The following MYO1H variants were observed in gnomAD, a reference collection of about 807,000 sequenced individuals.
MYO1H encodes the protein unconventional myosin-Ih.
A neutral mutation model predicts 149.3 loss-of-function variants in MYO1H; 118 were observed. The ratio of observed to expected loss-of-function variants is 0.79; its 90% CI spans 0.68 to 0.92. MYO1H has a LOEUF of 0.92. Ranked by LOEUF, MYO1H falls within the 40% of genes least tolerant of loss-of-function variation. The pLI is 0.00. For missense variants in MYO1H, 1,212 were observed against 1,280.7 expected (o/e 0.95, Z 0.82); for synonymous variants, 447 against 465.2 (o/e 0.96, Z 0.50).
At chr12:109,362,457 AT>A (rs1195258083) in intron 1 of MYO1H, among the ~76,000 whole-genome samples, 3 of 152,220 alleles carry the variant, frequency 2.0e-5, no homozygotes, top group Admixed American at 2.0e-4. Context: ...TGAGAAACCA[AT>A]TACAAAAGAC....
intron 18 of MYO1H, among the ~76,000 whole-genome samples, chr12:109,426,351 G>A (rs1756272027): frequency 6.6e-6 from 1 of 152,076 alleles, no homozygotes. Flanking sequence ...AGGCATGGTG[G>A]CGTGTCTCTA....
intron 30 of MYO1H, 170 bp from the exon 31 acceptor site, chr12:109,445,343 C>T (rs775000275): frequency 7.3e-5 from 42 of 576,624 alleles, no homozygotes; most frequent in Non-Finnish European, 1.1e-4. Context: ...AGTTGCCCAG[C>T]TGTGGCAACA....
At chr12:109,410,607 G>A (rs1352389301) in intron 12 of MYO1H, 81 bp from the exon 13 acceptor site, 3 of 842,226 alleles carry the variant, frequency 3.6e-6, no homozygotes, top group Non-Finnish European at 5.8e-6. Context: ...GAAAAAAGAT[G>A]TTTTAGAAAA....
At chr12:109,439,345 C>T (rs1294796859) in intron 23 of MYO1H, among the ~76,000 whole-genome samples, 1 of 152,196 alleles carries the variant, frequency 6.6e-6, no homozygotes, top group Admixed American at 6.5e-5. Flanking sequence ...TGCCAAAATG[C>T]TGGGATTACA....
intron 27 of MYO1H, among the ~76,000 whole-genome samples, chr12:109,443,033 T>G: frequency 9.5e-6 from 1 of 104,844 alleles, no homozygotes; most frequent in African/African-American, 4.2e-5. Flanking sequence ...TATATATGTG[T>G]GTGTGTGTGT....
At chr12:109,318,980 T>TG in the MYO1H span, among the ~76,000 whole-genome samples, 5,999 of 136,086 alleles carry the variant, frequency 0.044, 402 homozygotes, top group African/African-American at 0.097. Context: ...TTGTTTTTTT[T>TG]TTTTTTTTTT....
chr12:109,335,424 A>G, the MYO1H span, among the ~76,000 whole-genome samples: 5 of 152,116 alleles, frequency 3.3e-5, no homozygotes, highest in African/African-American at 1.2e-4. Context: ...CCATGATTCA[A>G]CCATCTCCCA....
the MYO1H span, among the ~76,000 whole-genome samples, chr12:109,334,951 CA>C: frequency 6.6e-6 from 1 of 152,186 alleles, no homozygotes; most frequent in African/African-American, 2.4e-5. Context: ...CTTTTCCCCT[CA>C]GTCCCTGGCA....
At chr12:109,354,429 CTT>C (rs1333462021) in intron 1 of MYO1H, 1 of 140,776 alleles carries the variant, frequency 7.1e-6, no homozygotes, top group East Asian at 2.0e-4. Flanking sequence ...AGTCGAATCT[CTT>C]GTCTCTACAA....
At chr12:109,393,302 C>T (rs757905346) in intron 2 of MYO1H, 29 bp from the exon 3 acceptor site, 4 of 1,417,218 alleles carry the variant, frequency 2.8e-6, no homozygotes, top group East Asian at 4.9e-5. Context: ...CCCAGAATTC[C>T]TCACTTGTGC....
At chr12:109,332,769 A>T in the MYO1H span, among the ~76,000 whole-genome samples, 1 of 152,014 alleles carries the variant, frequency 6.6e-6, no homozygotes, top group African/African-American at 2.4e-5. Context: ...TATTGTAGAG[A>T]TGGGGGTCTC....
intron 1 of MYO1H, among the ~76,000 whole-genome samples, chr12:109,374,925 G>T (rs1010985405): frequency 6.6e-6 from 1 of 151,602 alleles, no homozygotes; most frequent in Non-Finnish European, 1.5e-5. Flanking sequence ...CATGATCTCG[G>T]CTCACTGCAA....
At chr12:109,369,646 C>T (rs942147586) in intron 1 of MYO1H, among the ~76,000 whole-genome samples, 7 of 152,160 alleles carry the variant, frequency 4.6e-5, no homozygotes, top group African/African-American at 1.4e-4. Context: ...AAGAAGTTAC[C>T]AGGTTGTAAG....
the MYO1H span, among the ~76,000 whole-genome samples, chr12:109,329,812 T>C: frequency 6.6e-6 from 1 of 152,320 alleles, no homozygotes; most frequent in South Asian, 2.1e-4. Context: ...TGCCGAGGCC[T>C]TGACAATAGA....
the MYO1H span, among the ~76,000 whole-genome samples, chr12:109,329,019 GTTTTCTTTT>G: frequency 7.0e-6 from 1 of 142,866 alleles, no homozygotes; most frequent in Admixed American, 7.2e-5. Context: ...AATAAAATCA[GTTTTCTTTT>G]TTTTCTTTTT....
chr12:109,431,175 C>T (rs139658037), intron 19 of MYO1H, among the ~76,000 whole-genome samples: 5,717 of 151,968 alleles, frequency 0.038, 391 homozygotes, highest in African/African-American at 0.13. Context: ...GCCAGGAGAT[C>T]GAGACCATCC....
the MYO1H span, among the ~76,000 whole-genome samples, chr12:109,327,134 C>CTTTTTTTTTTTTTTTT: frequency 3.2e-5 from 3 of 94,744 alleles, no homozygotes; most frequent in Non-Finnish European, 3.9e-5. Context: ...TTTTCTTTTT[C>CTTTTTTTTTTTTTTTT]TTTTTTTTTT....
At chr12:109,328,699 T>G in the MYO1H span, among the ~76,000 whole-genome samples, 100 of 152,338 alleles carry the variant, frequency 6.6e-4, 2 homozygotes, top group African/African-American at 2.3e-3. Context: ...TGTCGTTTTT[T>G]CCTGTTTTGC....
chr12:109,395,072 G>A (rs990793205), intron 3 of MYO1H, among the ~76,000 whole-genome samples: 3 of 152,138 alleles, frequency 2.0e-5, no homozygotes, highest in African/African-American at 7.2e-5. Flanking sequence ...CCACCACCAT[G>A]TATTAAAAGC....
Sources: gnomAD v4.1 joint callset for allele counts (sites outside exome capture counted in the v4.1 genomes callset) on GRCh38, gnomAD v4.1.1 for gene constraint, MANE v1.5 for transcripts, NCBI Gene and HGNC (gene_info 2026-07-23, HGNC 2026-07-21) for gene names.